The following MEF2C variants were observed in gnomAD, a reference collection of about 807,000 sequenced individuals.
The protein encoded by MEF2C is myocyte-specific enhancer factor 2C.
Under a neutral mutation model 50.5 loss-of-function variants are expected in MEF2C, and 6 were observed. The observed-to-expected ratio is 0.12, with a 90% CI of 0.07 to 0.23. MEF2C has a LOEUF of 0.23. MEF2C is among the 10% of genes least tolerant of loss of function. The pLI, the probability that MEF2C is intolerant of heterozygous loss-of-function variation, is 1.00. For missense variants in MEF2C, 276 were observed against 605.0 expected, an observed-to-expected ratio of 0.46 and a Z score of 5.70; for synonymous variants, 183 against 228.0, an observed-to-expected ratio of 0.80 and a Z score of 1.78.
At position 88,768,583 on chromosome 5, in the gene MEF2C, G is replaced by T. The variant is rs534803742; in HGVS notation, c.259-7255C>A. On this transcript the variant is annotated intron_variant, in intron 3 of 10. Transcript: ENST00000504921. ...TTAGGAATAGTTTATTTGTCATCTC[G>T]TATCACCAGAACTTAGCACAAGGCC... is the stretch of plus-strand genomic sequence containing the variant. 7 of 548,152 alleles carry T rather than the reference G, an allele frequency of 1.3e-5. No individual in the cohort carries two copies. In the East Asian group the frequency reaches 7.4e-4, roughly 58 times the overall value. 34.0% of individuals were successfully genotyped at this position (548,152 alleles called of 1,614,324 possible).
chr5:88,786,159 C>T (rs1243760059), intron 3 of MEF2C, among the ~76,000 whole-genome samples: 1 of 152,106 alleles, frequency 6.6e-6, no homozygotes, highest in Non-Finnish European at 1.5e-5. Flanking sequence ...GAAGCTTCCT[C>T]CACATATTGT....
intron 1 of MEF2C, among the ~76,000 whole-genome samples, chr5:88,869,260 T>TACATATATATATATATATACAC (rs1554050872): frequency 1.6e-5 from 1 of 62,132 alleles, no homozygotes; most frequent in African/African-American, 8.5e-5. Context: ...TTCATATATA[T>TACATATATATATATATATACAC]ATATATATAT....
At position 88,742,529 on chromosome 5, in the gene MEF2C, G is replaced by T. The variant is rs559519283; in HGVS notation, c.637+6541C>A. 10 of 980,338 alleles carry T rather than the reference G, an allele frequency of 1.0e-5. 1 individual carries two copies. In the African/African-American group the frequency reaches 1.4e-4, roughly 14 times the overall value. 60.7% of individuals were successfully genotyped at this position (980,338 alleles called of 1,614,324 possible). A position where few individuals can be genotyped will look rare whatever the true frequency, so the allele number is the denominator to read the frequency against. ...ATATAGAAGGATAGAGAATAAAAAGGATACAATTTGTGAAGTCAGAAATCA... is the reference window on the plus strand; with the variant it reads ...ATATAGAAGGATAGAGAATAAAAAGTATACAATTTGTGAAGTCAGAAATCA... On this transcript the variant is annotated intron_variant, in intron 6 of 10. Coordinates refer to ENST00000504921, the MANE Select transcript of MEF2C (RefSeq NM_002397.5).
intron 2 of MEF2C, among the ~76,000 whole-genome samples, chr5:88,819,841 C>G (rs528322142): frequency 6.6e-6 from 1 of 151,884 alleles, no homozygotes; most frequent in Non-Finnish European, 1.5e-5. Context: ...TAGGGCAGAG[C>G]TGAGTAGTTG....
chr5:88,773,373 C>T (rs1561943220), intron 3 of MEF2C, among the ~76,000 whole-genome samples: 1 of 152,188 alleles, frequency 6.6e-6, no homozygotes, highest in Non-Finnish European at 1.5e-5. Flanking sequence ...CCCTCAACCC[C>T]ACCATCCCCC....
chr5:88,734,595 T>TAAA, intron 6 of MEF2C: 1 of 654,896 alleles, frequency 1.5e-6, no homozygotes, highest in Non-Finnish European at 1.8e-6. Flanking sequence ...TTTTTTTTTT[T>TAAA]TTTAGCATTT....
chr5:88,813,409 A>T (rs535136393), intron 2 of MEF2C, among the ~76,000 whole-genome samples: 3 of 152,136 alleles, frequency 2.0e-5, no homozygotes, highest in Non-Finnish European at 4.4e-5. Context: ...TGAAATGGAA[A>T]GGGCATTTCA....
At chr5:88,903,196 T>C (rs1835838256) in intron 1 of MEF2C, among the ~76,000 whole-genome samples, 1 of 151,832 alleles carries the variant, frequency 6.6e-6, no homozygotes, top group Non-Finnish European at 1.5e-5. Flanking sequence ...AATATACGAA[T>C]TTTGGAAATC....
intron 1 of MEF2C, among the ~76,000 whole-genome samples, chr5:88,867,892 G>A (rs1827930442): frequency 1.3e-5 from 2 of 152,186 alleles, no homozygotes. Flanking sequence ...GAGCCTTCTG[G>A]TCACTGCAGT....
intron 3 of MEF2C, chr5:88,780,873 C>G (rs1787661684): frequency 1.0e-6 from 1 of 985,178 alleles, no homozygotes; most frequent in Admixed American, 6.1e-5. Flanking sequence ...CTCGTTCTTT[C>G]ACTTTCTCTC....
chr5:88,801,840 A>G (rs1452327678), intron 3 of MEF2C, among the ~76,000 whole-genome samples: 1 of 152,164 alleles, frequency 6.6e-6, no homozygotes, highest in Non-Finnish European at 1.5e-5. Context: ...CTCTTCACCA[A>G]GTGTCTCAAG....
chr5:88,867,790 G>C (rs549148593), intron 1 of MEF2C, among the ~76,000 whole-genome samples: 77 of 152,288 alleles, frequency 5.1e-4, no homozygotes, highest in Non-Finnish European at 8.1e-4. Context: ...CACCAAGCCA[G>C]CAAGAATTGA....
chr5:88,724,853 A>G (rs1757990777), intron 10 of MEF2C, among the ~76,000 whole-genome samples: 1 of 152,160 alleles, frequency 6.6e-6, no homozygotes, highest in South Asian at 2.1e-4. Context: ...TTTCACTAAA[A>G]TTTAATTAAA....
At chr5:88,841,063 TAAG>T (rs1817165506) in intron 1 of MEF2C, among the ~76,000 whole-genome samples, 1 of 152,188 alleles carries the variant, frequency 6.6e-6, no homozygotes, top group South Asian at 2.1e-4. Flanking sequence ...AGTCTGCAAA[TAAG>T]AGAGTTACTA....
chr5:88,859,731 A>G (rs144023671), intron 1 of MEF2C, among the ~76,000 whole-genome samples: 1 of 152,374 alleles, frequency 6.6e-6, no homozygotes, highest in African/African-American at 2.4e-5. Flanking sequence ...CAGACATGAC[A>G]GATGTAAAGC....
intron 3 of MEF2C, among the ~76,000 whole-genome samples, chr5:88,774,786 A>C (rs1430578732): frequency 6.6e-6 from 1 of 152,224 alleles, no homozygotes; most frequent in Non-Finnish European, 1.5e-5. Flanking sequence ...GTTTGATAAG[A>C]GCTTCAGGTG....
At chr5:88,753,309 G>C (rs1417916781) in intron 4 of MEF2C, among the ~76,000 whole-genome samples, 1 of 151,950 alleles carries the variant, frequency 6.6e-6, no homozygotes, top group Non-Finnish European at 1.5e-5. Context: ...TGTCAATCTT[G>C]ACAACAGCAA....
intron 10 of MEF2C, among the ~76,000 whole-genome samples, chr5:88,724,640 C>A (rs1204949080): frequency 1.3e-5 from 2 of 152,064 alleles, no homozygotes; most frequent in Non-Finnish European, 2.9e-5. Context: ...AATTTATAGT[C>A]TATCAGTTTA....
chr5:88,743,791 C>T, intron 6 of MEF2C: 1 of 985,154 alleles, frequency 1.0e-6, no homozygotes, highest in Non-Finnish European at 1.2e-6. Context: ...TTAAGCATTC[C>T]AGAAGTGACA....
Sources: allele counts gnomAD v4.1 joint callset (sites outside exome capture counted in the v4.1 genomes callset), GRCh38; gene constraint gnomAD v4.1.1; transcripts MANE v1.5; gene names NCBI Gene and HGNC (gene_info 2026-07-23, HGNC 2026-07-21).